The following TNS1 variants were observed in gnomAD, a reference collection of about 807,000 sequenced individuals.
TNS1 encodes tensin-1.
In TNS1, 62 loss-of-function variants were observed where a neutral mutation model predicts 168.6. That is an observed-to-expected ratio of 0.37 (90% CI 0.30 to 0.45). The LOEUF is 0.45. Ranked by LOEUF, TNS1 falls within the 20% of genes least tolerant of loss-of-function variation. The pLI is 1.00. For synonymous variants in TNS1, 934 were observed against 933.2 expected (o/e 1.00, Z -0.02); for missense variants, 2,240 against 2,339.4 (o/e 0.96, Z 0.88).
At chr2:218,007,570 G>C (rs1465531562), upstream of TNS1, among the ~76,000 whole-genome samples, 2 of 127,298 alleles carry the variant, frequency 1.6e-5, no homozygotes, top group East Asian at 5.5e-4. Flanking sequence ...GGGGGGTGGG[G>C]GGGGGGGTTC....
chr2:217,856,252 T>C (rs1176633150), intron 18 of TNS1, among the ~76,000 whole-genome samples: 1 of 152,070 alleles, frequency 6.6e-6, no homozygotes, highest in Non-Finnish European at 1.5e-5. Flanking sequence ...TCCACTGGGT[T>C]TTAACCTGCC....
At chr2:217,842,938 A>T (rs969295765) in intron 19 of TNS1, among the ~76,000 whole-genome samples, 1 of 152,162 alleles carries the variant, frequency 6.6e-6, no homozygotes, top group African/African-American at 2.4e-5. Flanking sequence ...TCTCAATGGC[A>T]CGTATCACCT....
At chr2:217,828,634 G>A (rs990928436) in intron 22 of TNS1, among the ~76,000 whole-genome samples, 46 of 152,306 alleles carry the variant, frequency 3.0e-4, no homozygotes, top group African/African-American at 9.6e-4. Context: ...CTCCTGGTGT[G>A]TCCAAGGCCT....
intron 1 of TNS1, among the ~76,000 whole-genome samples, chr2:218,031,135 T>TGTATGA (rs1553628685): frequency 0.048 from 6,662 of 139,858 alleles, 587 homozygotes; most frequent in African/African-American, 0.17. Flanking sequence ...TCTGTGTGTG[T>TGTATGA]GTGTGTATGT....
chr2:217,939,013 A>G (rs1401654177), intron 3 of TNS1, among the ~76,000 whole-genome samples: 1 of 152,076 alleles, frequency 6.6e-6, no homozygotes, highest in African/African-American at 2.4e-5. Context: ...ACAACAAGAC[A>G]AGAGAGAGAG....
chr2:217,889,723 G>A (rs1466157631), intron 12 of TNS1, among the ~76,000 whole-genome samples: 3 of 152,218 alleles, frequency 2.0e-5, no homozygotes, highest in African/African-American at 7.2e-5. Flanking sequence ...TAGAAGCTGA[G>A]CTCCATAAGC....
At chr2:217,838,319 T>C (rs1945448774) in intron 19 of TNS1, among the ~76,000 whole-genome samples, 1 of 152,248 alleles carries the variant, frequency 6.6e-6, no homozygotes, top group African/African-American at 2.4e-5. Context: ...CAAAGCTTTC[T>C]CCATGTTCAG....
intron 23 of TNS1, among the ~76,000 whole-genome samples, chr2:217,821,346 C>T (rs1209670177): frequency 1.3e-5 from 2 of 152,186 alleles, no homozygotes; most frequent in African/African-American, 4.8e-5. Flanking sequence ...CCTAGGATTG[C>T]TGCGAGGATT....
chr2:218,010,443 G>A, upstream of TNS1: 1 of 370,980 alleles, frequency 2.7e-6, no homozygotes, highest in Non-Finnish European at 4.8e-6. Flanking sequence ...AACCCCCACG[G>A]GGCGCGGGCA....
chr2:217,807,608 C>G (rs1353911914), intron 32 of TNS1, among the ~76,000 whole-genome samples: 6 of 152,166 alleles, frequency 3.9e-5, no homozygotes, highest in Non-Finnish European at 7.3e-5. Flanking sequence ...GGAATCCACC[C>G]GAAGGTCCCA....
At chr2:217,942,834 C>G (rs947869988) in intron 3 of TNS1, among the ~76,000 whole-genome samples, 1 of 152,256 alleles carries the variant, frequency 6.6e-6, no homozygotes, top group African/African-American at 2.4e-5. Flanking sequence ...ATCCCCCAAC[C>G]CCATCCCCTC....
At chr2:217,805,629 T>C (rs955096866) in intron 32 of TNS1, among the ~76,000 whole-genome samples, 255 of 4,682 alleles carry the variant, frequency 0.054, no homozygotes, top group South Asian at 0.079. Flanking sequence ...ATACACACCA[T>C]CACACCCACA....
chr2:217,928,784 T>G (rs555582113), intron 3 of TNS1, among the ~76,000 whole-genome samples: 14 of 152,152 alleles, frequency 9.2e-5, no homozygotes, highest in African/African-American at 3.4e-4. Context: ...CCTCTTCCAT[T>G]TCCTCTTCTT....
chr2:217,982,146 A>AGAGGGCCATGTGGT (rs1958068489), intron 2 of TNS1, among the ~76,000 whole-genome samples: 1 of 152,180 alleles, frequency 6.6e-6, no homozygotes, highest in Admixed American at 6.5e-5. Flanking sequence ...AGCCCTATGG[A>AGAGGGCCATGTGGT]GAGGGCCATG....
intron 1 of TNS1, among the ~76,000 whole-genome samples, chr2:218,027,089 C>A (rs1958855008): frequency 6.6e-6 from 1 of 151,992 alleles, no homozygotes. Flanking sequence ...AAACACAATA[C>A]CTGTACCGCA....
chr2:217,825,777 T>C (rs1172974917), intron 22 of TNS1, among the ~76,000 whole-genome samples: 4 of 152,154 alleles, frequency 2.6e-5, no homozygotes, highest in Non-Finnish European at 4.4e-5. Context: ...CAAGATTGCA[T>C]GGAGGGCCCA....
At chr2:217,951,684 G>C (rs536355813) in intron 3 of TNS1, among the ~76,000 whole-genome samples, 12 of 152,000 alleles carry the variant, frequency 7.9e-5, no homozygotes, top group Non-Finnish European at 1.8e-4. Context: ...TCCTCAAGGC[G>C]GCTCCCACCA....
At chr2:217,811,949 T>A (rs796077340) in intron 28 of TNS1, among the ~76,000 whole-genome samples, 11 of 152,322 alleles carry the variant, frequency 7.2e-5, no homozygotes, top group African/African-American at 2.6e-4. Flanking sequence ...TTCTCTTTCC[T>A]GAGGCTGCTC....
chr2:217,998,166 C>G (rs1369493387), intron 1 of TNS1, among the ~76,000 whole-genome samples: 1 of 152,044 alleles, frequency 6.6e-6, no homozygotes, highest in African/African-American at 2.4e-5. Context: ...TGCCCAAGAG[C>G]CTTTAGCTCC....
Sources: gnomAD v4.1 joint callset for allele counts (sites outside exome capture counted in the v4.1 genomes callset) on GRCh38, gnomAD v4.1.1 for gene constraint, MANE v1.5 for transcripts, NCBI Gene and HGNC (gene_info 2026-07-23, HGNC 2026-07-21) for gene names.